The following EIF2S3 variants were observed in gnomAD, a reference collection of about 807,000 sequenced individuals.
EIF2S3 encodes the protein eukaryotic translation initiation factor 2 subunit 3.
EIF2S3 carries 2 observed loss-of-function variants against 31.7 expected under a neutral mutation model. The observed-to-expected ratio is 0.06, with a 90% confidence interval of 0.03 to 0.20. The LOEUF is 0.20. Among genes scored for constraint, EIF2S3 ranks in the 10% least tolerant of loss-of-function variants. EIF2S3 has a pLI of 1.00. For missense variants in EIF2S3, 96 were observed against 359.3 expected, an observed-to-expected ratio of 0.27 and a Z score of 5.92; for synonymous variants, 120 against 126.7, an observed-to-expected ratio of 0.95 and a Z score of 0.36.
intron 9 of EIF2S3, among the ~76,000 whole-genome samples, chrX:24,070,361 A>G (rs1230744060): frequency 2.8e-5 from 3 of 106,076 alleles, no homozygotes; most frequent in Non-Finnish European, 5.8e-5. Flanking sequence ...ATCTTGCTCC[A>G]TCTATATATC....
At position 24,077,474 on chromosome X, in the gene EIF2S3, C is replaced by T. The variant is rs1930773791; in HGVS notation, c.*689C>T. On this transcript the variant is annotated 3_prime_UTR_variant, in exon 12 of 12. Coordinates refer to ENST00000253039, the MANE Select transcript of EIF2S3 (RefSeq NM_001415.4). ...AAAGTTTTTTTTCTTTTTCATGATT[C>T]GTCTTTGAGTACCTCCAGGCTGAAA... 8.9e-6 allele frequency: 1 copy of T among 112,008 alleles called. No homozygotes were observed. Among genetic ancestry groups the T allele is most frequent in the Non-Finnish European group, 1.9e-5 (1 of 53,227 alleles). The allele number at this position is 112,008 out of a possible 1,213,427, so 9.2% of individuals were successfully genotyped here. A position where few individuals can be genotyped will look rare whatever the true frequency, so the allele number is the denominator to read the frequency against.
chrX:24,059,495 G>T (rs964763183), intron 4 of EIF2S3, among the ~76,000 whole-genome samples: 2 of 108,194 alleles, frequency 1.8e-5, no homozygotes, highest in Admixed American at 1.0e-4. Flanking sequence ...CTATCTTGGC[G>T]CATTGCAACC....
Position 24,073,733 on chromosome X carries a change from C to T in EIF2S3, c.1355+470C>T, listed in dbSNP as rs1405182718. ...CTTGACTATAGTCCCATATTTTAGT[C>T]CAAATACTGTGATTGGCTTCTCTTC... is the stretch of plus-strand genomic sequence containing the variant. On this transcript the variant is annotated intron_variant, in intron 11 of 11. Transcript: ENST00000253039. 8.0e-5 allele frequency among the ~76,000 whole-genome samples: 9 copies of T among 111,959 alleles called. No individual in the cohort carries two copies. In the East Asian group the frequency reaches 2.2e-3, roughly 28 times the overall value.
chrX:24,058,536 C>CT lies in EIF2S3; in HGVS notation c.383+802dup, dbSNP rs1183377998. On this transcript the variant is annotated intron_variant, in intron 4 of 11. Coordinates refer to ENST00000253039, the MANE Select transcript of EIF2S3 (RefSeq NM_001415.4). ...TGAATGCATATATTTTTTTTTCTTT[C>CT]TTTTTTTTTTTTTTTTTTTTGAGAC... 3.5e-3 allele frequency among the ~76,000 whole-genome samples: 289 copies of CT among 83,015 alleles called. 6 individuals carry two copies. Among genetic ancestry groups the CT allele is most frequent in the South Asian group, 0.013 (24 of 1,782 alleles). 72.1% of individuals were successfully genotyped at this position (83,015 alleles called of 115,157 possible).
At chrX:24,071,869 A>T in intron 10 of EIF2S3, 142 bp downstream of exon 10, 1 of 668,480 alleles carries the variant, frequency 1.5e-6, no homozygotes, top group Non-Finnish European at 2.1e-6. Flanking sequence ...CCCAAAATTG[A>T]GGGTTTTTTT....
In EIF2S3 at chrX:24,065,957, G is replaced by A. The variant is rs1483190184; in HGVS notation, c.773-41G>A. 4.6e-6 allele frequency: 5 copies of A among 1,081,727 alleles called. No individual in the cohort carries two copies. The African/African-American group carries it at 9.2e-5, about 20-fold the overall frequency. 89.1% of individuals were successfully genotyped at this position (1,081,727 alleles called of 1,213,427 possible). ...CATGGAAAATAATATTTCTTCTAAA[G>A]TTAAGATTAACAGAACTGACTTTAA... is the stretch of plus-strand genomic sequence containing the variant. On this transcript the variant is annotated intron_variant, in intron 7 of 11. Transcript: ENST00000253039.
rs918148921 is a variant in EIF2S3 at position 24,062,678 on chromosome X, T to A, written c.637+104T>A. On this transcript the variant is annotated intron_variant, in intron 6 of 11. Coordinates refer to ENST00000253039, the MANE Select transcript of EIF2S3 (RefSeq NM_001415.4). Reference sequence around the variant, plus strand: ...TTTTAATATATTATCTAAAACAAGGTAAACTTACAAGTCTTAAGCCTTATC... The same window carrying A: ...TTTTAATATATTATCTAAAACAAGGAAAACTTACAAGTCTTAAGCCTTATC... 1.1e-5 allele frequency: 10 copies of A among 938,137 alleles called. No homozygotes were observed. In the South Asian group the frequency reaches 2.4e-4, roughly 22 times the overall value. 77.3% of individuals were successfully genotyped at this position (938,137 alleles called of 1,213,427 possible). A position where few individuals can be genotyped will look rare whatever the true frequency, so the allele number is the denominator to read the frequency against.
chrX:24,057,054 C>T lies in EIF2S3; in HGVS notation c.134-367C>T, dbSNP rs781781415. Among the ~76,000 whole-genome samples, 11 of 99,727 alleles carry T rather than the reference C, an allele frequency of 1.1e-4. No individual in the cohort carries two copies. The South Asian group carries it at 2.7e-3, about 24-fold the overall frequency. 86.6% of individuals were successfully genotyped at this position (99,727 alleles called of 115,157 possible). On this transcript the variant is annotated intron_variant, in intron 2 of 11. Coordinates refer to ENST00000253039, the MANE Select transcript of EIF2S3 (RefSeq NM_001415.4). Reference sequence around the variant, plus strand: ...TATTTATTTATTTATTTATTTGCGACGGAGTCTCGCTCTGTTGCCAGGCTG... The same window carrying T: ...TATTTATTTATTTATTTATTTGCGATGGAGTCTCGCTCTGTTGCCAGGCTG...
intron 9 of EIF2S3, among the ~76,000 whole-genome samples, chrX:24,068,602 G>A (rs187418094): frequency 2.7e-5 from 3 of 110,536 alleles, no homozygotes; most frequent in East Asian, 5.7e-4. Context: ...ATGCTGCCAG[G>A]CCCAGCTAAG....
intron 8 of EIF2S3, among the ~76,000 whole-genome samples, chrX:24,067,585 A>ATTATT (rs781478737): frequency 2.0e-4 from 18 of 89,292 alleles, no homozygotes; most frequent in Non-Finnish European, 3.1e-4. Flanking sequence ...GACCTTTATT[A>ATTATT]TTATTTTATT....
intron 4 of EIF2S3, among the ~76,000 whole-genome samples, chrX:24,058,258 G>A (rs1467850571): frequency 1.8e-5 from 2 of 112,172 alleles, no homozygotes; most frequent in East Asian, 5.5e-4. Context: ...GGAGGGACAA[G>A]TGAGGCCTTC....
intron 10 of EIF2S3, among the ~76,000 whole-genome samples, chrX:24,072,175 G>C (rs745837855): frequency 9.0e-6 from 1 of 111,513 alleles, no homozygotes; most frequent in African/African-American, 3.3e-5. Context: ...CACTGCGTCC[G>C]GCCAAAATTG....
rs1930779479 is a variant in EIF2S3, at chrX:24,077,845, A to G, written c.*1060A>G. ...ACCAAATAATTCTAGATGAGTAACA[A>G]AGATCTTTTTAGGCCTTCATTTTAT... is the stretch of plus-strand genomic sequence containing the variant. On this transcript the variant is annotated 3_prime_UTR_variant, in exon 12 of 12. Coordinates refer to ENST00000253039, the MANE Select transcript of EIF2S3 (RefSeq NM_001415.4). The G allele has an allele frequency of 8.9e-6, 1 of 111,745 alleles. No individual in the cohort carries two copies. 9.2% of individuals were successfully genotyped at this position (111,745 alleles called of 1,213,427 possible).
At chrX:24,075,938 A>C (rs1486866956) in intron 11 of EIF2S3, among the ~76,000 whole-genome samples, 6 of 109,808 alleles carry the variant, frequency 5.5e-5, no homozygotes, top group Admixed American at 2.0e-4. Flanking sequence ...TCCTGGCCTC[A>C]AGCCATCCTC....
intron 10 of EIF2S3, 152 bp from the exon 11 acceptor site, chrX:24,072,939 T>TA: frequency 1.6e-6 from 1 of 620,509 alleles, no homozygotes; most frequent in South Asian, 3.2e-5. Context: ...TAAACTATAC[T>TA]ATATATAGTT....
chrX:24,058,076 A>C (rs1372677069), intron 4 of EIF2S3, among the ~76,000 whole-genome samples: 1 of 112,564 alleles, frequency 8.9e-6, no homozygotes, highest in Non-Finnish European at 1.9e-5. Context: ...GGAGAGAAAC[A>C]GAGCCATTTC....
rs1372768032 is a variant in EIF2S3, at chrX:24,055,032, A to G, written c.64A>G (p.Thr22Ala). ...QPHLSRQDLT[T>A]LDVTKLTPLS... ...GCATCTTTCGCGTCAGGATCTCACC[A>G]CCTTGGTGAGGTTTTGCTTGGGGAG... The change falls in exon 1 of 12, where the codon ACC (threonine) becomes GCC (alanine). Residue 22 changes from threonine to alanine, a missense_variant. Around this residue, in one of 5 missense-constraint regions of EIF2S3, gnomAD observed 27 missense variants for 21.3 expected, o/e 1.27. Coordinates refer to ENST00000253039, the MANE Select transcript of EIF2S3 (RefSeq NM_001415.4). The G allele has an allele frequency of 9.9e-6, 12 of 1,208,283 alleles. No individual in the cohort carries two copies. The highest frequency in any genetic ancestry group is 1.2e-5 in the Non-Finnish European group (11 of 894,766).
At chrX:24,059,659 G>A (rs1930461987) in intron 4 of EIF2S3, among the ~76,000 whole-genome samples, 3 of 111,847 alleles carry the variant, frequency 2.7e-5, no homozygotes, top group African/African-American at 9.8e-5. Context: ...CTGACCTCAG[G>A]TGATCCACCT....
At chrX:24,061,564 C>CA (rs759724351) in intron 5 of EIF2S3, among the ~76,000 whole-genome samples, 7,707 of 105,510 alleles carry the variant, frequency 0.073, 767 homozygotes, top group African/African-American at 0.25. Context: ...GACTCAGTCT[C>CA]AAAAAAAAAA....
Sources: gnomAD v4.1 joint callset for allele counts (sites outside exome capture counted in the v4.1 genomes callset) on GRCh38, gnomAD v4.1.1 for gene constraint, gnomAD v4.1.1 regional missense constraint, MANE v1.5 for transcripts, NCBI Gene and HGNC (gene_info 2026-07-23, HGNC 2026-07-21) for gene names.